The following GPR176 variants were observed in gnomAD, a reference collection of about 807,000 sequenced individuals.
GPR176 encodes G protein-coupled receptor 176.
Under a neutral mutation model 35.4 loss-of-function variants are expected in GPR176, and 26 were observed. The observed-to-expected ratio is 0.74, with a 90% confidence interval of 0.54 to 1.02. The LOEUF is 1.02. GPR176 is among the 50% of genes least tolerant of loss of function. The pLI, the probability that GPR176 is intolerant of heterozygous loss-of-function variation, is 0.00. For synonymous variants in GPR176, 278 were observed against 271.3 expected (o/e 1.02, Z -0.24); for missense variants, 597 against 665.3 (o/e 0.90, Z 1.13).
intron 1 of GPR176, among the ~76,000 whole-genome samples, chr15:39,875,733 A>T (rs2032217759): frequency 6.6e-6 from 1 of 152,160 alleles, no homozygotes; most frequent in Non-Finnish European, 1.5e-5. Flanking sequence ...AGTGAATAAC[A>T]TATGTGAAAA....
chr15:39,872,611 G>A (rs565755410), intron 1 of GPR176, among the ~76,000 whole-genome samples: 1 of 152,266 alleles, frequency 6.6e-6, no homozygotes, highest in South Asian at 2.1e-4. Flanking sequence ...CAAGAAAAGA[G>A]GTTTAATTGG....
At chr15:39,812,145 T>C (rs554342698) in intron 1 of GPR176, among the ~76,000 whole-genome samples, 6 of 152,320 alleles carry the variant, frequency 3.9e-5, no homozygotes, top group Admixed American at 2.0e-4. Context: ...AATATAAGAA[T>C]CTTATAACAG....
intron 1 of GPR176, among the ~76,000 whole-genome samples, chr15:39,839,020 G>C (rs1901578542): frequency 6.6e-6 from 1 of 151,856 alleles, no homozygotes; most frequent in South Asian, 2.1e-4. Context: ...AAAATCACAA[G>C]CATTGTGAAG....
intron 1 of GPR176, among the ~76,000 whole-genome samples, chr15:39,836,492 C>A (rs1034600811): frequency 6.6e-6 from 1 of 152,142 alleles, no homozygotes; most frequent in African/African-American, 2.4e-5. Flanking sequence ...GATGTTGGCA[C>A]CATGCTTCTT....
In GPR176 at chr15:39,806,984, G is replaced by A. The variant is rs558066811; in HGVS notation, c.425+22C>T. On this transcript the variant is annotated intron_variant, in intron 2 of 2. Transcript: ENST00000561100. The stretch of plus-strand genomic sequence containing the variant: ...TAATACAACTTAAAAAAAAAAGTTA[G>A]CTCCTGGCTACCTGATCTTACCTGT... 4.5e-6 allele frequency: 7 copies of A among 1,562,598 alleles called. No homozygotes were observed. The East Asian group carries it at 1.1e-4, about 25-fold the overall frequency.
At chr15:39,869,152 TAAAAAA>T in intron 1 of GPR176, among the ~76,000 whole-genome samples, 1 of 130,006 alleles carries the variant, frequency 7.7e-6, no homozygotes, top group African/African-American at 2.9e-5. Context: ...AACTGCTTTT[TAAAAAA>T]AAAAAAAAAA....
chr15:39,837,078 G>C (rs1901447658), intron 1 of GPR176, among the ~76,000 whole-genome samples: 1 of 152,122 alleles, frequency 6.6e-6, no homozygotes, highest in African/African-American at 2.4e-5. Flanking sequence ...AAAAAGCTGA[G>C]TTATCAGTCT....
intron 1 of GPR176, among the ~76,000 whole-genome samples, chr15:39,850,635 G>A (rs1309041231): frequency 6.6e-6 from 1 of 152,048 alleles, no homozygotes; most frequent in Admixed American, 6.6e-5. Flanking sequence ...TTGTGGTGAT[G>A]GAAACATCTG....
At chr15:39,919,488 C>G (rs1482303152) in intron 1 of GPR176, among the ~76,000 whole-genome samples, 1 of 152,098 alleles carries the variant, frequency 6.6e-6, no homozygotes, top group Non-Finnish European at 1.5e-5. Flanking sequence ...ACATTCCGTT[C>G]AATTATCAGT....
At chr15:39,835,912 T>C (rs570703248) in intron 1 of GPR176, among the ~76,000 whole-genome samples, 4 of 152,186 alleles carry the variant, frequency 2.6e-5, no homozygotes, top group Admixed American at 6.5e-5. Flanking sequence ...CTGGTCAACA[T>C]GGCAAAACCC....
chr15:39,854,572 A>C (rs764220916), intron 1 of GPR176, among the ~76,000 whole-genome samples: 3 of 152,206 alleles, frequency 2.0e-5, no homozygotes, highest in Non-Finnish European at 4.4e-5. Flanking sequence ...CTCCAATAAA[A>C]CAAAATAAAA....
intron 1 of GPR176, among the ~76,000 whole-genome samples, chr15:39,836,052 G>A (rs191338250): frequency 1.3e-5 from 2 of 152,304 alleles, no homozygotes; most frequent in African/African-American, 4.8e-5. Context: ...CCAAGATCGT[G>A]CCACTGCACT....
At chr15:39,845,794 T>C (rs2030380693) in intron 1 of GPR176, among the ~76,000 whole-genome samples, 1 of 152,242 alleles carries the variant, frequency 6.6e-6, no homozygotes, top group South Asian at 2.1e-4. Flanking sequence ...AAACAGAAAC[T>C]ACGTAAGCTC....
chr15:39,803,881 C>T lies in GPR176; in HGVS notation c.426-1627G>A, dbSNP rs577435042. Among the ~76,000 whole-genome samples, 13 of 152,146 alleles carry T rather than the reference C, an allele frequency of 8.5e-5. No homozygotes were observed. In the South Asian group the frequency reaches 1.2e-3, roughly 15 times the overall value. On this transcript the variant is annotated intron_variant, in intron 2 of 2. Coordinates refer to ENST00000561100, the MANE Select transcript of GPR176 (RefSeq NM_007223.3). The stretch of plus-strand genomic sequence containing the variant: ...AAGAGATGGGATGCAAACACAATAG[C>T]GACCATGGACAATCAGGGAAGGAGG...
At chr15:39,888,357 C>T (rs768730844) in intron 1 of GPR176, among the ~76,000 whole-genome samples, 14 of 152,140 alleles carry the variant, frequency 9.2e-5, no homozygotes, top group Non-Finnish European at 1.6e-4. Flanking sequence ...ATGATCATAG[C>T]TCTCTGTATC....
At chr15:39,807,733 C>T (rs1435821341) in intron 1 of GPR176, 1 of 575,708 alleles carries the variant, frequency 1.7e-6, no homozygotes, top group Non-Finnish European at 3.1e-6. Flanking sequence ...ATTTTTTATT[C>T]AACCCAACAG....
At chr15:39,838,901 T>C (rs545752581) in intron 1 of GPR176, among the ~76,000 whole-genome samples, 3 of 152,274 alleles carry the variant, frequency 2.0e-5, no homozygotes, top group African/African-American at 7.2e-5. Context: ...TTGTCCCTGT[T>C]TGCAGATGAC....
intron 1 of GPR176, chr15:39,829,309 G>A (rs1595458584): frequency 7.2e-7 from 1 of 1,383,208 alleles, no homozygotes; most frequent in African/African-American, 1.5e-5. Flanking sequence ...GAGTAAGAAA[G>A]CCATGAGGTC....
At position 39,807,123 on chromosome 15, in the gene GPR176, G is replaced by A; in HGVS notation, c.308C>T (p.Thr103Ile). The A allele has an allele frequency of 6.3e-7, 1 of 1,575,716 alleles. No homozygotes were observed. The highest frequency in any genetic ancestry group is 8.6e-7 in the Non-Finnish European group (1 of 1,161,500). The stretch of plus-strand genomic sequence containing the variant: ...GATCCACCAGCAACAGTGAGGACTG[G>A]TGCTGAGGATGATGTCGAAGGGCAC... The part of the protein sequence containing the change: ...VCVPFDIILS[T>I]SPHCCWWIYT... The change falls in exon 2 of 3, where the codon ACC becomes ATC. Residue 103 changes from threonine (T) to isoleucine (I), a missense_variant. Coordinates refer to ENST00000561100, the MANE Select transcript of GPR176 (RefSeq NM_007223.3).
Sources: allele counts gnomAD v4.1 joint callset (sites outside exome capture counted in the v4.1 genomes callset), GRCh38; gene constraint gnomAD v4.1.1; transcripts MANE v1.5; gene names NCBI Gene and HGNC (gene_info 2026-07-23, HGNC 2026-07-21).